USP49: variants seen among roughly 807,000 people sequenced by gnomAD.
USP49 encodes the protein ubiquitin carboxyl-terminal hydrolase 49.
USP49 carries 24 observed loss-of-function variants against 58.6 expected under a neutral mutation model. That is an observed-to-expected ratio of 0.41 (90% confidence interval 0.30 to 0.58). The LOEUF is 0.58. Ranked by LOEUF, USP49 falls within the 20% of genes least tolerant of loss-of-function variation. The pLI is 0.30. For missense variants in USP49, 703 were observed against 866.1 expected (o/e 0.81, Z 2.36); for synonymous variants, 408 against 365.1 (o/e 1.12, Z -1.34).
intron 2 of USP49, among the ~76,000 whole-genome samples, chr6:41,888,333 G>T (rs1364929252): frequency 1.3e-5 from 2 of 151,962 alleles, no homozygotes; most frequent in African/African-American, 4.8e-5. Flanking sequence ...GGGATTAACA[G>T]GTGTGAGCCA....
chr6:41,881,356 G>A (rs1159451098), intron 2 of USP49, among the ~76,000 whole-genome samples: 3 of 131,270 alleles, frequency 2.3e-5, no homozygotes, highest in Admixed American at 1.7e-4. Context: ...GGTCCCTAGA[G>A]AGGCAAAATG....
intron 3 of USP49, among the ~76,000 whole-genome samples, chr6:41,836,930 G>A (rs1029100564): frequency 3.9e-5 from 6 of 151,970 alleles, no homozygotes; most frequent in African/African-American, 1.2e-4. Flanking sequence ...TCTCTACAGC[G>A]AGAATTACAA....
At chr6:41,860,562 C>T (rs892152077) in intron 3 of USP49, among the ~76,000 whole-genome samples, 7 of 152,050 alleles carry the variant, frequency 4.6e-5, no homozygotes, top group African/African-American at 1.7e-4. Flanking sequence ...GGCTGGAGTG[C>T]AGTGGCATGA....
At chr6:41,844,161 T>C (rs1582016334) in intron 3 of USP49, among the ~76,000 whole-genome samples, 1 of 151,282 alleles carries the variant, frequency 6.6e-6, no homozygotes, top group Admixed American at 6.6e-5. Flanking sequence ...GCGGAGGTTA[T>C]GGGGAGCCGA....
At chr6:41,850,675 G>C (rs986429338) in intron 3 of USP49, among the ~76,000 whole-genome samples, 1 of 150,906 alleles carries the variant, frequency 6.6e-6, no homozygotes, top group African/African-American at 2.4e-5. Flanking sequence ...CGCCATCTCG[G>C]TTCACTGCAA....
chr6:41,871,404 C>A (rs949577788), intron 3 of USP49, among the ~76,000 whole-genome samples, 160 bp downstream of exon 3: 1 of 152,232 alleles, frequency 6.6e-6, no homozygotes, highest in Non-Finnish European at 1.5e-5. Context: ...AAAAAATTCA[C>A]AAGGTTAAGA....
intron 5 of USP49, among the ~76,000 whole-genome samples, chr6:41,802,460 A>ATTTTTTTTTTTTTTTTTTTTTTTT (rs71545916): frequency 1.4e-5 from 1 of 71,398 alleles, no homozygotes; most frequent in African/African-American, 5.8e-5. Context: ...TTATTTATTT[A>ATTTTTTTTTTTTTTTTTTTTTTTT]TTTATTTATT....
chr6:41,835,964 G>C (rs1032661983), intron 3 of USP49, among the ~76,000 whole-genome samples: 3 of 151,990 alleles, frequency 2.0e-5, no homozygotes, highest in African/African-American at 7.3e-5. Flanking sequence ...TGTAGTCCTA[G>C]CTACTCAGGA....
chr6:41,891,440 A>G (rs1244440890), intron 2 of USP49, among the ~76,000 whole-genome samples: 1 of 152,206 alleles, frequency 6.6e-6, no homozygotes, highest in Non-Finnish European at 1.5e-5. Context: ...GTAAAATGAG[A>G]ATAGTAATAG....
intron 3 of USP49, among the ~76,000 whole-genome samples, chr6:41,834,801 G>A (rs769954732): frequency 3.1e-4 from 47 of 152,192 alleles, no homozygotes; most frequent in Non-Finnish European, 4.9e-4. Flanking sequence ...TCTTTTCTTT[G>A]TAAATTACCC....
intron 3 of USP49, among the ~76,000 whole-genome samples, chr6:41,852,777 C>T (rs1045905758): frequency 4.6e-5 from 7 of 152,200 alleles, no homozygotes; most frequent in Non-Finnish European, 7.3e-5. Context: ...CACCAATGTT[C>T]ATAGCAGCAC....
In USP49 at chr6:41,807,360, CATGAT is replaced by C. The variant is rs1290155593; in HGVS notation, c.-28-354_-28-350del. 5.3e-5 allele frequency among the ~76,000 whole-genome samples: 8 copies of C among 152,282 alleles called. No individual in the cohort carries two copies. In the South Asian group the frequency reaches 1.4e-3, roughly 28 times the overall value. On this transcript the variant is annotated intron_variant, in intron 3 of 7. Transcript: ENST00000682992. ...GCAATGTTTTTCAAAGCAGAGATAA[CATGAT>C]ATAAGATAGAAATAAGAGAAAGAAA...
intron 3 of USP49, among the ~76,000 whole-genome samples, chr6:41,847,219 TGACA>T (rs1392822420): frequency 1.3e-5 from 2 of 152,292 alleles, no homozygotes; most frequent in East Asian, 3.9e-4. Flanking sequence ...GTGAGCTGCC[TGACA>T]AAGAATTTAA....
At position 41,802,428 on chromosome 6, in the gene USP49, T is replaced by TTTTATTTTATTTTATTTTATTTTA. The variant is rs10688447; in HGVS notation, c.1561+1377_1561+1378insTAAAATAAAATAAAATAAAATAAA. Among the ~76,000 whole-genome samples, 984 of 106,290 alleles carry TTTTATTTTATTTTATTTTATTTTA rather than the reference T, an allele frequency of 9.3e-3. 14 individuals are homozygous for TTTTATTTTATTTTATTTTATTTTA. Among genetic ancestry groups the TTTTATTTTATTTTATTTTATTTTA allele is most frequent in the Middle Eastern group, 0.024 (5 of 210 alleles). The allele number at this position is 106,290 out of a possible 152,430, so 69.7% of individuals were successfully genotyped here. On this transcript the variant is annotated intron_variant, in intron 5 of 7. Transcript: ENST00000682992. ...TTATTTTTTATTTTATTTTATTTTA[T>TTTTATTTTATTTTATTTTATTTTA]TTTATTTATTTATTTATTTATTTAT...
chr6:41,856,744 T>C (rs1372529748), intron 3 of USP49, among the ~76,000 whole-genome samples: 2 of 152,150 alleles, frequency 1.3e-5, no homozygotes, highest in Admixed American at 6.5e-5. Context: ...GGTCCGAAAA[T>C]ACATAAGTAC....
chr6:41,851,164 C>A (rs145294913), intron 3 of USP49, among the ~76,000 whole-genome samples: 1 of 152,156 alleles, frequency 6.6e-6, no homozygotes, highest in Non-Finnish European at 1.5e-5. Flanking sequence ...TACCCTGACA[C>A]TAAACCAGAC....
chr6:41,859,685 A>G (rs16895043), intron 3 of USP49, among the ~76,000 whole-genome samples: 1,920 of 152,328 alleles, frequency 0.013, 39 homozygotes, highest in African/African-American at 0.042. Context: ...ATTAATTGCT[A>G]TGTCTAAGAT....
chr6:41,790,589 AAGG>A lies in USP49; in HGVS notation c.*5941_*5943del, dbSNP rs1446224044. The stretch of plus-strand genomic sequence containing the variant: ...ATGGGATTAAAGGACGTTAATTGGA[AAGG>A]AGGGTCAGTATATAAGGACCACAGT... On this transcript the variant is annotated 3_prime_UTR_variant, in exon 8 of 8. Transcript: ENST00000682992. 1 of 152,156 alleles carries A rather than the reference AAGG, an allele frequency of 6.6e-6. No individual in the cohort carries two copies. Among genetic ancestry groups the A allele is most frequent in the African/African-American group, 2.4e-5 (1 of 41,430 alleles). The allele number at this position is 152,156 out of a possible 1,614,324, so 9.4% of individuals were successfully genotyped here. A position where few individuals can be genotyped will look rare whatever the true frequency, so the allele number is the denominator to read the frequency against.
chr6:41,806,901 T>G lies in USP49; in HGVS notation c.83A>C (p.Glu28Ala). The change falls in exon 4 of 8, where the codon GAG becomes GCG. Residue 28 changes from glutamate to alanine, a missense_variant. Physicochemically the swap from Glu to Ala is moderately radical, Grantham distance 107. This residue lies in a region of USP49 where 376 missense variants were observed against 373.5 expected (regional missense o/e 1.01). Transcript: ENST00000682992. This position sits in a 1 kb window ranked among gnomAD's most constrained non-coding sequence, Gnocchi z 5.9. ...CCACACGGACTCGGTGGTGGCACAC[T>G]CTAAGCAGCACCACTTCTGAGGGTT... is the stretch of plus-strand genomic sequence containing the variant. ...ILNPQKWCCL[E>A]CATTESVWAC... The G allele has an allele frequency of 6.2e-7, 1 of 1,613,840 alleles. No homozygotes were observed. The highest frequency in any genetic ancestry group is 1.1e-5 in the South Asian group (1 of 91,072).
Sources: allele counts gnomAD v4.1 joint callset (sites outside exome capture counted in the v4.1 genomes callset), GRCh38; gene constraint gnomAD v4.1.1; regional missense constraint gnomAD v4.1.1; non-coding constraint Gnocchi (gnomAD v3.1); transcripts MANE v1.5; gene names NCBI Gene and HGNC (gene_info 2026-07-23, HGNC 2026-07-21).